FMN1: variants seen among roughly 807,000 people sequenced by gnomAD.
FMN1 encodes formin-1.
Under a neutral mutation model 132.4 loss-of-function variants are expected in FMN1, and 110 were observed. The ratio of observed to expected loss-of-function variants is 0.83; its 90% CI spans 0.71 to 0.97. The LOEUF is 0.97. Among genes scored for constraint, FMN1 ranks in the 50% least tolerant of loss-of-function variants. The probability of loss-of-function intolerance (pLI) is 0.00; values close to 1 mark genes in which losing one functional copy is unlikely to be tolerated. For missense variants in FMN1, 1,792 were observed against 1,705.3 expected (o/e 1.05, Z -0.90); for synonymous variants, 722 against 651.7 (o/e 1.11, Z -1.64).
chr15:33,145,220 G>A (rs979417849), intron 4 of FMN1, among the ~76,000 whole-genome samples: 1 of 151,946 alleles, frequency 6.6e-6, no homozygotes, highest in African/African-American at 2.4e-5. Context: ...GGGCACCAGG[G>A]CTGCTGTAGT....
intron 4 of FMN1, among the ~76,000 whole-genome samples, chr15:33,097,804 A>C (rs2039145588): frequency 6.6e-6 from 1 of 152,214 alleles, no homozygotes; most frequent in African/African-American, 2.4e-5. Context: ...ACATAAATAG[A>C]CACATATTTG....
intron 8 of FMN1, among the ~76,000 whole-genome samples, chr15:32,965,048 C>A (rs575060206): frequency 2.9e-4 from 44 of 152,256 alleles, no homozygotes; most frequent in Non-Finnish European, 5.0e-4. Flanking sequence ...TCAGGGTTCC[C>A]TCAGTCAGAA....
chr15:33,109,645 C>G (rs912741855), intron 4 of FMN1, among the ~76,000 whole-genome samples: 3 of 151,948 alleles, frequency 2.0e-5, no homozygotes, highest in African/African-American at 2.4e-5. Context: ...ATGGTAAGAA[C>G]TTATGAACAC....
At chr15:32,934,452 T>C (rs1362801252) in intron 9 of FMN1, among the ~76,000 whole-genome samples, 2 of 152,202 alleles carry the variant, frequency 1.3e-5, no homozygotes, top group East Asian at 3.8e-4. Context: ...CATATGCTTT[T>C]GTGTTGCTAT....
intron 4 of FMN1, among the ~76,000 whole-genome samples, chr15:33,145,959 A>C (rs181244425): frequency 5.7e-4 from 86 of 152,158 alleles, no homozygotes; most frequent in African/African-American, 2.0e-3. Context: ...TATTGTGAAT[A>C]AAACCGTATT....
chr15:32,962,345 G>T (rs1249556787), intron 9 of FMN1, among the ~76,000 whole-genome samples: 1 of 152,038 alleles, frequency 6.6e-6, no homozygotes, highest in Non-Finnish European at 1.5e-5. Flanking sequence ...ATCAATTCAA[G>T]ATGGATTAAA....
intron 9 of FMN1, among the ~76,000 whole-genome samples, chr15:32,959,553 T>C (rs1275947220): frequency 6.6e-6 from 1 of 152,196 alleles, no homozygotes; most frequent in Non-Finnish European, 1.5e-5. Flanking sequence ...TTGCCTCCAC[T>C]TACAGAGAAA....
intron 4 of FMN1, chr15:33,151,475 T>C: frequency 1.5e-6 from 2 of 1,291,344 alleles, no homozygotes; most frequent in Non-Finnish European, 2.1e-6. Context: ...GGGCTCACGG[T>C]CAGTCTCCAA....
chr15:32,890,233 G>A (rs1292821268), intron 15 of FMN1, among the ~76,000 whole-genome samples: 1 of 152,162 alleles, frequency 6.6e-6, no homozygotes, highest in African/African-American at 2.4e-5. Flanking sequence ...CTATAAACAT[G>A]CACGTGCAAG....
chr15:32,920,141 G>A (rs775620719), intron 10 of FMN1, among the ~76,000 whole-genome samples: 3 of 152,108 alleles, frequency 2.0e-5, no homozygotes, highest in Non-Finnish European at 4.4e-5. Flanking sequence ...GCATATGAAC[G>A]TTTATATCAA....
chr15:32,998,582 A>G (rs2033915003), intron 7 of FMN1, among the ~76,000 whole-genome samples: 1 of 152,196 alleles, frequency 6.6e-6, no homozygotes, highest in Non-Finnish European at 1.5e-5. Context: ...GGAGAGAAGG[A>G]AACACTCCCC....
intron 4 of FMN1, among the ~76,000 whole-genome samples, chr15:33,111,957 A>G (rs1030605402): frequency 6.6e-6 from 1 of 152,196 alleles, no homozygotes; most frequent in African/African-American, 2.4e-5. Context: ...ATATCTTAAT[A>G]AAGCTGTTTT....
intron 5 of FMN1, among the ~76,000 whole-genome samples, chr15:33,079,265 A>G (rs1387844489): frequency 6.6e-6 from 1 of 152,240 alleles, no homozygotes; most frequent in African/African-American, 2.4e-5. Flanking sequence ...CAAATTTCAC[A>G]GTTCCATTAA....
At chr15:33,019,040 T>C (rs2035258608) in intron 6 of FMN1, among the ~76,000 whole-genome samples, 2 of 152,218 alleles carry the variant, frequency 1.3e-5, no homozygotes, top group African/African-American at 4.8e-5. Context: ...GAAGAGGACC[T>C]GAGCGGGTTA....
intron 19 of FMN1, among the ~76,000 whole-genome samples, chr15:32,784,949 G>A (rs1026460718): frequency 6.6e-6 from 1 of 151,958 alleles, no homozygotes; most frequent in African/African-American, 2.4e-5. Context: ...ATTAAATAGA[G>A]CTATCTTATT....
intron 9 of FMN1, among the ~76,000 whole-genome samples, chr15:32,961,264 G>T (rs529284299): frequency 2.1e-4 from 32 of 151,726 alleles, no homozygotes; most frequent in Admixed American, 1.8e-3. Flanking sequence ...CTCCCGAGTA[G>T]CTGAGATTAC....
chr15:33,011,336 G>A (rs897160360), intron 6 of FMN1, among the ~76,000 whole-genome samples: 2 of 151,958 alleles, frequency 1.3e-5, no homozygotes, highest in Admixed American at 6.6e-5. Context: ...ATAACTATTG[G>A]CTGGGAAAAA....
At chr15:33,193,026 T>C (rs1304686837) in intron 2 of FMN1, among the ~76,000 whole-genome samples, 1 of 152,214 alleles carries the variant, frequency 6.6e-6, no homozygotes, top group Non-Finnish European at 1.5e-5. Context: ...GCCATTACAA[T>C]ATACTGTCTC....
At chr15:32,984,978 C>CAAAAAAAAAAAAAAAAAAAAAAA (rs11330959) in intron 7 of FMN1, among the ~76,000 whole-genome samples, 48 of 97,232 alleles carry the variant, frequency 4.9e-4, no homozygotes, top group East Asian at 1.4e-3. Flanking sequence ...CATCCATCAC[C>CAAAAAAAAAAAAAAAAAAAAAAA]AAAAAAAAAA....
Sources: allele counts gnomAD v4.1 joint callset (sites outside exome capture counted in the v4.1 genomes callset), GRCh38; gene constraint gnomAD v4.1.1; transcripts MANE v1.5; gene names NCBI Gene and HGNC (gene_info 2026-07-23, HGNC 2026-07-21).